CFAP299: variants seen among roughly 807,000 people sequenced by gnomAD.
CFAP299 encodes the protein cilia and flagella associated protein 299.
In CFAP299, 21 loss-of-function variants were observed where a neutral mutation model predicts 27.0. The observed-to-expected ratio is 0.78, with a 90% CI of 0.55 to 1.12. CFAP299 has a LOEUF of 1.12. Among genes scored for constraint, CFAP299 ranks in the 50% most tolerant of loss-of-function variants. The pLI, the probability that CFAP299 is intolerant of heterozygous loss-of-function variation, is 0.00. For synonymous variants in CFAP299, 104 were observed against 98.1 expected (o/e 1.06, Z -0.36); for missense variants, 310 against 276.6 (o/e 1.12, Z -0.86).
chr4:80,960,674 C>T (rs1412113557), intron 5 of CFAP299, among the ~76,000 whole-genome samples: 1 of 151,756 alleles, frequency 6.6e-6, no homozygotes, highest in African/African-American at 2.4e-5. Context: ...TCAGTCTGTC[C>T]CTATTCTCAC....
chr4:80,759,665 TTTG>T (rs1421646230), intron 3 of CFAP299, among the ~76,000 whole-genome samples: 1 of 152,168 alleles, frequency 6.6e-6, no homozygotes, highest in Non-Finnish European at 1.5e-5. Context: ...ATAAAATTAT[TTTG>T]TTGTTGTTAG....
At chr4:80,926,812 G>A (rs926267321) in intron 4 of CFAP299, among the ~76,000 whole-genome samples, 1 of 152,018 alleles carries the variant, frequency 6.6e-6, no homozygotes, top group South Asian at 2.1e-4. Context: ...CAATTATAAG[G>A]CAATGGTCTC....
At chr4:80,880,474 GT>G (rs1253375037) in intron 4 of CFAP299, among the ~76,000 whole-genome samples, 1 of 152,158 alleles carries the variant, frequency 6.6e-6, no homozygotes, top group Non-Finnish European at 1.5e-5. Flanking sequence ...GCTCACGCCT[GT>G]AATCCCAGCA....
chr4:80,744,800 G>A (rs187580376), intron 3 of CFAP299, among the ~76,000 whole-genome samples: 2 of 152,156 alleles, frequency 1.3e-5, no homozygotes, highest in African/African-American at 4.8e-5. Flanking sequence ...TTACCTAGAT[G>A]CACATCACTT....
chr4:80,898,831 A>T (rs889263323), intron 4 of CFAP299, among the ~76,000 whole-genome samples: 4 of 152,178 alleles, frequency 2.6e-5, no homozygotes, highest in African/African-American at 9.7e-5. Context: ...GGTAATTTCC[A>T]GGAAATAAAA....
chr4:80,559,433 G>A (rs1734935403), intron 2 of CFAP299, among the ~76,000 whole-genome samples: 1 of 152,094 alleles, frequency 6.6e-6, no homozygotes, highest in Admixed American at 6.6e-5. Context: ...GGGAATATAA[G>A]GCTTCACCCA....
chr4:80,572,290 G>T (rs191308350), intron 2 of CFAP299, among the ~76,000 whole-genome samples: 185 of 149,542 alleles, frequency 1.2e-3, no homozygotes, highest in African/African-American at 4.3e-3. Flanking sequence ...GTTTTTTTTT[G>T]AACCTGTTAG....
At chr4:80,450,044 G>A (rs965142651) in intron 2 of CFAP299, among the ~76,000 whole-genome samples, 5 of 152,098 alleles carry the variant, frequency 3.3e-5, no homozygotes, top group Non-Finnish European at 7.4e-5. Context: ...CAGTAAGGCA[G>A]TGGAGCAAAG....
At chr4:80,377,617 G>T (rs573427457) in intron 2 of CFAP299, among the ~76,000 whole-genome samples, 1 of 151,292 alleles carries the variant, frequency 6.6e-6, no homozygotes, top group South Asian at 2.1e-4. Context: ...ACCTAAATTT[G>T]TAGAAATCAT....
intron 3 of CFAP299, among the ~76,000 whole-genome samples, chr4:80,718,882 A>G (rs1432282598): frequency 1.3e-5 from 2 of 152,132 alleles, no homozygotes; most frequent in African/African-American, 4.8e-5. Flanking sequence ...CAAAGCACTA[A>G]TGTGCTTTGA....
intron 3 of CFAP299, among the ~76,000 whole-genome samples, chr4:80,770,004 C>CT (rs1466353629): frequency 2.0e-5 from 3 of 152,108 alleles, no homozygotes. Context: ...GTCATCCTTC[C>CT]TTTTTATGAA....
At chr4:80,714,637 C>T (rs371344690) in intron 3 of CFAP299, among the ~76,000 whole-genome samples, 17 of 152,050 alleles carry the variant, frequency 1.1e-4, no homozygotes, top group South Asian at 2.1e-4. Flanking sequence ...ATCAAGAAAA[C>T]GCTCTCCTTT....
chr4:80,465,854 G>A (rs945519129), intron 2 of CFAP299, among the ~76,000 whole-genome samples: 3 of 151,972 alleles, frequency 2.0e-5, no homozygotes, highest in East Asian at 1.9e-4. Flanking sequence ...TAAAGCAGAC[G>A]GTCCCAAAGA....
chr4:80,521,687 C>T (rs568380084), intron 2 of CFAP299, among the ~76,000 whole-genome samples: 61 of 152,068 alleles, frequency 4.0e-4, no homozygotes, highest in African/African-American at 1.3e-3. Flanking sequence ...ACTTTAGAGA[C>T]TTCAGAGAGT....
At chr4:80,344,372 C>G (rs1170432742) in intron 1 of CFAP299, among the ~76,000 whole-genome samples, 1 of 152,066 alleles carries the variant, frequency 6.6e-6, no homozygotes, top group Non-Finnish European at 1.5e-5. Flanking sequence ...ATGAACACCT[C>G]TTCGTGCAGA....
chr4:80,858,076 A>G (rs1732041891), intron 3 of CFAP299, among the ~76,000 whole-genome samples: 1 of 152,144 alleles, frequency 6.6e-6, no homozygotes, highest in African/African-American at 2.4e-5. Flanking sequence ...TTATTGCCAC[A>G]ATTTCAGCTC....
At chr4:80,856,814 G>A (rs1257036367) in intron 3 of CFAP299, among the ~76,000 whole-genome samples, 1 of 152,044 alleles carries the variant, frequency 6.6e-6, no homozygotes, top group Non-Finnish European at 1.5e-5. Flanking sequence ...TAGCCTTGTA[G>A]TATAGTTTGA....
chr4:80,779,262 C>T (rs528697328), intron 3 of CFAP299, among the ~76,000 whole-genome samples: 51 of 152,162 alleles, frequency 3.4e-4, no homozygotes, highest in African/African-American at 1.1e-3. Flanking sequence ...TTCAGCAATT[C>T]CATGTCTTCA....
chr4:80,756,161 ACT>A (rs966974442), intron 3 of CFAP299, among the ~76,000 whole-genome samples: 4 of 151,834 alleles, frequency 2.6e-5, no homozygotes, highest in African/African-American at 9.7e-5. Context: ...ATAATACTTT[ACT>A]CTCTTTTTTG....
Sources: gnomAD v4.1 joint callset for allele counts (sites outside exome capture counted in the v4.1 genomes callset) on GRCh38, gnomAD v4.1.1 for gene constraint, MANE v1.5 for transcripts, NCBI Gene and HGNC (gene_info 2026-07-23, HGNC 2026-07-21) for gene names.